Variants in SRFBP1 observed in about 807,000 individuals in gnomAD.
SRFBP1 encodes serum response factor-binding protein 1.
In SRFBP1, 47 loss-of-function variants were observed where a neutral mutation model predicts 45.5. The ratio of observed to expected loss-of-function variants is 1.03; its 90% confidence interval spans 0.82 to 1.32. The LOEUF is 1.32. SRFBP1 is among the 40% of genes most tolerant of loss of function. The pLI is 0.00. For synonymous variants in SRFBP1, 203 were observed against 166.3 expected (o/e 1.22, Z -1.70); for missense variants, 621 against 484.6 (o/e 1.28, Z -2.64).
chr5:122,046,997 G>C (rs1304775270), intron 2 of SRFBP1, among the ~76,000 whole-genome samples: 1 of 152,122 alleles, frequency 6.6e-6, no homozygotes, highest in African/African-American at 2.4e-5. Context: ...TCTGTAGGTT[G>C]CCTGTTCACT....
intron 4 of SRFBP1, 112 bp from the exon 5 acceptor site, chr5:122,019,148 T>C: frequency 1.1e-6 from 1 of 872,672 alleles, no homozygotes; most frequent in South Asian, 1.5e-5. Context: ...TATTAACTAG[T>C]TCTATTCTCC....
intron 2 of SRFBP1, among the ~76,000 whole-genome samples, chr5:122,050,201 TTTTC>T (rs1260325203): frequency 1.3e-5 from 2 of 152,140 alleles, no homozygotes; most frequent in Admixed American, 6.6e-5. Context: ...TGGCCTGAAG[TTTTC>T]TTTCTTTGTT....
Position 121,970,530 on chromosome 5 carries a change from C to T in SRFBP1, c.37-3666C>T, listed in dbSNP as rs528179561. On this transcript the variant is annotated intron_variant, in intron 1 of 7. Transcript: ENST00000339397. ...ACACTGTATAATTCTGTTTATGCAA[C>T]GTGGCCGTTCTTTTTTTTTTTCCTT... Among the ~76,000 whole-genome samples the T allele has an allele frequency of 2.0e-5, 3 of 151,314 alleles. No homozygotes were observed. The South Asian group carries it at 6.2e-4, about 32-fold the overall frequency.
chr5:122,044,080 C>T (rs79742050), intron 2 of SRFBP1, among the ~76,000 whole-genome samples: 33,337 of 151,880 alleles, frequency 0.22, 3,980 homozygotes, highest in African/African-American at 0.31. Flanking sequence ...ATTGTTTAGT[C>T]CCCACTTGCA....
At chr5:121,988,635 C>T (rs1561581691) in intron 3 of SRFBP1, among the ~76,000 whole-genome samples, 1 of 152,180 alleles carries the variant, frequency 6.6e-6, no homozygotes, top group South Asian at 2.1e-4. Flanking sequence ...CATGAATTGC[C>T]TGCATGGCTG....
At chr5:121,972,467 A>T (rs1394655703) in intron 1 of SRFBP1, among the ~76,000 whole-genome samples, 1 of 151,872 alleles carries the variant, frequency 6.6e-6, no homozygotes, top group African/African-American at 2.4e-5. Flanking sequence ...GCTAGGAAGA[A>T]TGGGGGTCCA....
intron 3 of SRFBP1, among the ~76,000 whole-genome samples, chr5:121,981,777 C>G (rs1352293769): frequency 6.6e-6 from 1 of 151,894 alleles, no homozygotes; most frequent in Non-Finnish European, 1.5e-5. Context: ...TATGCAGGCC[C>G]TTTTACTTTG....
At chr5:121,991,954 A>G (rs963711798) in intron 3 of SRFBP1, among the ~76,000 whole-genome samples, 7 of 152,204 alleles carry the variant, frequency 4.6e-5, no homozygotes, top group Non-Finnish European at 2.9e-5. Flanking sequence ...GTTTTAAGGT[A>G]AATGTCTAAT....
At chr5:121,963,496 T>C (rs1323055993) in intron 1 of SRFBP1, among the ~76,000 whole-genome samples, 2 of 152,092 alleles carry the variant, frequency 1.3e-5, no homozygotes, top group African/African-American at 4.8e-5. Context: ...ATGATGGAAA[T>C]GACAGGGGAT....
At chr5:122,045,993 G>T (rs1227372221) in intron 2 of SRFBP1, among the ~76,000 whole-genome samples, 1 of 152,116 alleles carries the variant, frequency 6.6e-6, no homozygotes, top group African/African-American at 2.4e-5. Context: ...CTGTGGGTTT[G>T]TCATAGATGG....
chr5:122,035,885 A>G (rs578134496), intron 2 of SRFBP1, among the ~76,000 whole-genome samples: 45 of 152,264 alleles, frequency 3.0e-4, no homozygotes, highest in African/African-American at 1.1e-3. Context: ...ATTTTTCAGG[A>G]TTTTATTTGC....
chr5:122,035,821 G>A (rs549056490), intron 2 of SRFBP1, among the ~76,000 whole-genome samples: 9 of 152,220 alleles, frequency 5.9e-5, no homozygotes, highest in African/African-American at 2.2e-4. Context: ...GCTTCCACAG[G>A]TTCTCGCTAA....
At chr5:122,040,505 A>G (rs1185680147) in intron 2 of SRFBP1, among the ~76,000 whole-genome samples, 3 of 152,204 alleles carry the variant, frequency 2.0e-5, no homozygotes, top group Admixed American at 6.5e-5. Context: ...TAGAGGGTCA[A>G]TAAAGGGAGG....
Position 121,995,732 on chromosome 5 carries a change from T to C in SRFBP1, c.270+1062T>C, listed in dbSNP as rs1200713931. ...AATCAGTGAATCCAGGAGCTGGTTT[T>C]TTGAAAGGATCAACAAAATTGATAG... On this transcript the variant is annotated intron_variant, in intron 4 of 7. Coordinates refer to ENST00000339397, the MANE Select transcript of SRFBP1 (RefSeq NM_152546.3). Among the ~76,000 whole-genome samples the C allele has an allele frequency of 3.3e-5, 5 of 152,042 alleles. No homozygotes were observed. The East Asian group carries it at 7.7e-4, about 24-fold the overall frequency.
downstream of SRFBP1, among the ~76,000 whole-genome samples, chr5:122,029,786 A>T (rs1359455661): frequency 6.6e-6 from 1 of 152,038 alleles, no homozygotes; most frequent in Non-Finnish European, 1.5e-5. Flanking sequence ...ATTTTGTGCA[A>T]TTTCCTAGTT....
At position 122,074,119 on chromosome 5, in the gene SRFBP1, T is replaced by C. The variant is rs547011629; in HGVS notation, n.312-1196T>C. 68 of 1,614,096 alleles carry C rather than the reference T, an allele frequency of 4.2e-5. 1 individual carries two copies. The South Asian group carries it at 6.9e-4, about 16-fold the overall frequency. On this transcript the variant is annotated intron_variant and non_coding_transcript_variant, in intron 2 of 2. Transcript: ENST00000504881. ...GCCTTCAGCCACTCTCCTCTGGGTG[T>C]TGGCATCAAGCAGGTCATAGTGGCT...
intron 2 of SRFBP1, among the ~76,000 whole-genome samples, chr5:122,042,859 T>G (rs1753793653): frequency 6.6e-6 from 1 of 152,188 alleles, no homozygotes; most frequent in African/African-American, 2.4e-5. Flanking sequence ...AGGTATGTAT[T>G]TTCTTAAAAT....
chr5:122,078,437 A>G (rs1456431037), downstream of SRFBP1: 3 of 155,996 alleles, frequency 1.9e-5, no homozygotes, highest in African/African-American at 7.2e-5. Flanking sequence ...TCCTCCCCCC[A>G]GACACGTTGC....
intron 3 of SRFBP1, among the ~76,000 whole-genome samples, chr5:121,977,624 G>A (rs1752329596): frequency 1.3e-5 from 2 of 151,962 alleles, no homozygotes; most frequent in African/African-American, 4.8e-5. Flanking sequence ...AATTAAATTT[G>A]GAGAAAAGAC....
Sources: gnomAD v4.1 joint callset for allele counts (sites outside exome capture counted in the v4.1 genomes callset) on GRCh38, gnomAD v4.1.1 for gene constraint, MANE v1.5 for transcripts, NCBI Gene and HGNC (gene_info 2026-07-23, HGNC 2026-07-21) for gene names.